Variants in C3orf20 observed in about 807,000 individuals in gnomAD.
C3orf20 encodes family with sequence similarity 149 member C, also known as uncharacterized protein C3orf20.
A neutral mutation model predicts 88.3 loss-of-function variants in C3orf20; 76 were observed. The ratio of observed to expected loss-of-function variants is 0.86; its 90% confidence interval spans 0.72 to 1.04. The LOEUF (loss-of-function observed/expected upper bound fraction) is 1.04, where lower values mean the gene tolerates loss of function less well. Ranked by LOEUF, C3orf20 falls within the 50% of genes least tolerant of loss-of-function variation. C3orf20 has a pLI of 0.00. For synonymous variants in C3orf20, 436 were observed against 437.4 expected (o/e 1.00, Z 0.04); for missense variants, 1,056 against 1,123.3 (o/e 0.94, Z 0.86).
chr3:14,713,970 G>A (rs886586375), intron 7 of C3orf20, 37 bp from the exon 8 acceptor site: 10 of 1,611,916 alleles, frequency 6.2e-6, no homozygotes, highest in Non-Finnish European at 7.6e-6. Flanking sequence ...AGAACCAGGG[G>A]AGTTTTCTGT....
At chr3:14,679,072 C>T (rs767359156) in intron 1 of C3orf20, among the ~76,000 whole-genome samples, 12 of 152,220 alleles carry the variant, frequency 7.9e-5, no homozygotes, top group Non-Finnish European at 1.8e-4. Flanking sequence ...GGTGCTGTTT[C>T]TTCTTCCTAG....
chr3:14,715,985 TTAA>T (rs2033927012), intron 9 of C3orf20, among the ~76,000 whole-genome samples: 1 of 124,340 alleles, frequency 8.0e-6, no homozygotes, highest in African/African-American at 3.0e-5. Flanking sequence ...AATAAACTTA[TTAA>T]TAAAGCAACT....
At chr3:14,743,009 C>T (rs1427869442) in intron 12 of C3orf20, among the ~76,000 whole-genome samples, 5 of 151,908 alleles carry the variant, frequency 3.3e-5, no homozygotes, top group Non-Finnish European at 5.9e-5. Context: ...CCATATAATT[C>T]CACCCGTGGC....
Position 14,682,687 on chromosome 3 carries a change from C to G in C3orf20, c.-27C>G. 6.3e-7 allele frequency: 1 copy of G among 1,575,344 alleles called. No individual in the cohort carries two copies. The highest frequency in any genetic ancestry group is 1.2e-5 in the South Asian group (1 of 83,690). On this transcript the variant is annotated 5_prime_UTR_variant, in exon 3 of 17. Transcript: ENST00000253697. Reference sequence around the variant, plus strand: ...TTGCTCTCAGTCACCTCTCAGAGAGCTCTCTTTATAGCTGAAGGTCCCTCT... The same window carrying G: ...TTGCTCTCAGTCACCTCTCAGAGAGGTCTCTTTATAGCTGAAGGTCCCTCT...
At chr3:14,752,057 A>C (rs375951254) in intron 12 of C3orf20, among the ~76,000 whole-genome samples, 1 of 152,126 alleles carries the variant, frequency 6.6e-6, no homozygotes, top group Non-Finnish European at 1.5e-5. Context: ...AAGCTGGAGG[A>C]ATCACACTAC....
chr3:14,699,671 T>C (rs1237364952), intron 5 of C3orf20, among the ~76,000 whole-genome samples: 1 of 152,146 alleles, frequency 6.6e-6, no homozygotes, highest in Non-Finnish European at 1.5e-5. Context: ...TCTCCTCAAG[T>C]GGAAGAAAGG....
At chr3:14,748,390 A>C (rs146580068) in intron 12 of C3orf20, among the ~76,000 whole-genome samples, 2,089 of 152,194 alleles carry the variant, frequency 0.014, 26 homozygotes, top group Middle Eastern at 0.037. Context: ...AGTCTGCTCT[A>C]TACAGAGAAC....
At chr3:14,740,669 T>C (rs2034874394) in intron 12 of C3orf20, among the ~76,000 whole-genome samples, 1 of 152,186 alleles carries the variant, frequency 6.6e-6, no homozygotes, top group Admixed American at 6.5e-5. Flanking sequence ...GTATTTCTTG[T>C]TCTCTGTTCT....
intron 7 of C3orf20, among the ~76,000 whole-genome samples, chr3:14,705,632 C>A (rs1345313750): frequency 6.6e-6 from 1 of 152,128 alleles, no homozygotes; most frequent in Non-Finnish European, 1.5e-5. Flanking sequence ...TTGTGGGGGT[C>A]CGGTTGCCCA....
In C3orf20 at chr3:14,683,010, A is replaced by G. The variant is rs1409021230; in HGVS notation, c.297A>G (p.Pro99=). The change falls in exon 3 of 17, where the codon CCA becomes CCG. Residue 99 remains proline (P), a synonymous_variant. Transcript: ENST00000253697. ...TGAAGAAGCCACTACCTCCACCACCACCAGCACCACCACGTCCAGTGCTGC... is the reference window on the plus strand; with the variant it reads ...TGAAGAAGCCACTACCTCCACCACCGCCAGCACCACCACGTCCAGTGCTGC... ...PTLKKPLPPP[P]PAPPRPVLLA... 2.5e-6 allele frequency: 4 copies of G among 1,613,160 alleles called. No individual in the cohort carries two copies. Among genetic ancestry groups the G allele is most frequent in the Non-Finnish European group, 3.4e-6 (4 of 1,179,576 alleles).
chr3:14,688,880 T>C (rs1401664768), intron 4 of C3orf20, among the ~76,000 whole-genome samples: 1 of 152,178 alleles, frequency 6.6e-6, no homozygotes, highest in Non-Finnish European at 1.5e-5. Flanking sequence ...CCAACATGGC[T>C]ATATACTTTA....
intron 8 of C3orf20, 22 bp from the exon 9 acceptor site, chr3:14,715,267 C>T (rs1266949836): frequency 5.6e-6 from 9 of 1,607,542 alleles, no homozygotes; most frequent in Non-Finnish European, 7.6e-6. Context: ...GTGGCAGCTA[C>T]TCACTTCTGT....
At chr3:14,681,589 C>T (rs191695220) in intron 1 of C3orf20, among the ~76,000 whole-genome samples, 32 of 152,288 alleles carry the variant, frequency 2.1e-4, no homozygotes, top group African/African-American at 5.1e-4. Flanking sequence ...ACCTTTGCTA[C>T]GTGCTGTGGA....
intron 12 of C3orf20, among the ~76,000 whole-genome samples, chr3:14,751,755 C>T (rs2035225332): frequency 6.6e-6 from 1 of 152,068 alleles, no homozygotes; most frequent in Non-Finnish European, 1.5e-5. Context: ...AATAAAACAC[C>T]TAGGAATCCA....
At chr3:14,686,387 T>G (rs1269068604) in intron 4 of C3orf20, among the ~76,000 whole-genome samples, 3 of 152,230 alleles carry the variant, frequency 2.0e-5, no homozygotes, top group Non-Finnish European at 4.4e-5. Flanking sequence ...TAGTTCCATT[T>G]TTAAATTTCA....
At chr3:14,687,264 C>T (rs1341319710) in intron 4 of C3orf20, among the ~76,000 whole-genome samples, 1 of 152,196 alleles carries the variant, frequency 6.6e-6, no homozygotes, top group East Asian at 1.9e-4. Context: ...CTTTGTAAGA[C>T]TTAATGTGTT....
At chr3:14,728,966 A>G (rs528639841) in intron 12 of C3orf20, among the ~76,000 whole-genome samples, 1 of 152,334 alleles carries the variant, frequency 6.6e-6, no homozygotes, top group East Asian at 1.9e-4. Flanking sequence ...AATGGTTTTG[A>G]TATTTTTAAG....
rs748311721 is a variant in C3orf20 at position 14,727,020 on chromosome 3, C to T, written c.1686C>T (p.Ala562=). ...AGTTCATTAATTCTATCTTGCTGGC[C>T]GCAGGTAAGGAGGCTGAAAGGTGGG... ...VTQFINSILL[A]AGLFTIEYPT... is the part of the protein sequence containing the mutation. Residue 562 remains alanine (A), a synonymous_variant, in exon 11 of 17, where the codon GCC becomes GCT. Coordinates refer to ENST00000253697, the MANE Select transcript of C3orf20 (RefSeq NM_032137.5). 21 of 1,613,960 alleles carry T rather than the reference C, an allele frequency of 1.3e-5. No homozygotes were observed. The highest frequency in any genetic ancestry group is 6.7e-5 in the African/African-American group (5 of 74,900).
chr3:14,692,982 C>G (rs976825279), intron 5 of C3orf20, among the ~76,000 whole-genome samples: 19 of 152,132 alleles, frequency 1.2e-4, no homozygotes, highest in Non-Finnish European at 4.4e-5. Context: ...AAAGATTGTT[C>G]TTTCCCCATT....
Sources: allele counts gnomAD v4.1 joint callset (sites outside exome capture counted in the v4.1 genomes callset), GRCh38; gene constraint gnomAD v4.1.1; transcripts MANE v1.5; gene names NCBI Gene and HGNC (gene_info 2026-07-23, HGNC 2026-07-21).